The following SERINC2 variants were observed in gnomAD, a reference collection of about 807,000 sequenced individuals.
SERINC2 encodes tumor differentially expressed protein 2.
In SERINC2, 56 loss-of-function variants were observed where a neutral mutation model predicts 54.2. That is an observed-to-expected ratio of 1.03 (90% CI 0.83 to 1.29). The LOEUF is 1.29. SERINC2 is among the 50% of genes most tolerant of loss of function. SERINC2 has a pLI of 0.00. For synonymous variants in SERINC2, 272 were observed against 253.1 expected (o/e 1.07, Z -0.71); for missense variants, 614 against 607.4 (o/e 1.01, Z -0.12).
chr1:31,431,685 C>T (rs1480976211), intron 8 of SERINC2, among the ~76,000 whole-genome samples: 1 of 151,930 alleles, frequency 6.6e-6, no homozygotes, highest in Admixed American at 6.6e-5. Flanking sequence ...CATATGCAAC[C>T]CATGAGGGCC....
chr1:31,418,133 A>G (rs1419224181), intron 1 of SERINC2, among the ~76,000 whole-genome samples: 1 of 152,200 alleles, frequency 6.6e-6, no homozygotes, highest in Non-Finnish European at 1.5e-5. Context: ...TGCAGGGGTT[A>G]CAGGCATGAG....
chr1:31,423,687 C>T lies in SERINC2; in HGVS notation c.40-6C>T, dbSNP rs79389152. The stretch of plus-strand genomic sequence containing the variant: ...GAGAGGGAAGAGTGACAGTGCCCTC[C>T]CGCAGGCGTCCTGCCTCTGCGGCTC... On this transcript the variant is annotated splice_polypyrimidine_tract_variant and splice_region_variant and intron_variant, in intron 1 of 9. Transcript: ENST00000373709. 2.9e-4 allele frequency: 465 copies of T among 1,605,756 alleles called. 2 individuals are homozygous for T. In the East Asian group the frequency reaches 5.6e-3, roughly 19 times the overall value.
chr1:31,434,103 C>T lies in SERINC2; in HGVS notation c.1272C>T (p.Ala424=), dbSNP rs782608313. Residue 424 remains alanine, a synonymous_variant, in exon 10 of 10, where the codon GCC becomes GCT. Transcript: ENST00000373709. Reference sequence around the variant, plus strand: ...GGAAGATGATCAGCACGTGGACCGCCGTGTGGGTGAAGATCTGTGCCAGCT... The same window carrying T: ...GGAAGATGATCAGCACGTGGACCGCTGTGTGGGTGAAGATCTGTGCCAGCT... ...ETRKMISTWT[A]VWVKICASWA... 8.1e-6 allele frequency: 13 copies of T among 1,613,914 alleles called. No homozygotes were observed. In the East Asian group the frequency reaches 8.9e-5, roughly 11 times the overall value.
At chr1:31,428,863 G>A in intron 6 of SERINC2, 115 bp from the exon 7 acceptor site, 1 of 792,212 alleles carries the variant, frequency 1.3e-6, no homozygotes, top group East Asian at 2.4e-5. Flanking sequence ...GTGGGGTGTG[G>A]TGGGGTATCC....
At chr1:31,418,889 G>A (rs1640841983) in intron 1 of SERINC2, among the ~76,000 whole-genome samples, 2 of 152,150 alleles carry the variant, frequency 1.3e-5, no homozygotes, top group Non-Finnish European at 2.9e-5. Flanking sequence ...TGAGCTCCTT[G>A]TCATTGGCAG....
rs782691463 is a variant in SERINC2 at position 31,423,829 on chromosome 1, C to T, written c.176C>T (p.Pro59Leu). The T allele has an allele frequency of 1.5e-5, 25 of 1,613,862 alleles. No homozygotes were observed. The highest frequency in any genetic ancestry group is 6.7e-5 in the East Asian group (3 of 44,888). ...GVLVSIIMLS[P>L]GVESQLYKLP... ...CTGGTGTCCATCATTATGCTGAGCC[C>T]GGGCGTGGAGAGTCAGCTCTACAAG... The change falls in exon 2 of 10, where the codon CCG (proline) becomes CTG (leucine). Residue 59 changes from proline (P) to leucine (L), a missense_variant. Pro to Leu is a moderately conservative substitution (Grantham distance 98). Transcript: ENST00000373709.
chr1:31,414,296 T>C, intron 1 of SERINC2: 1 of 1,304,072 alleles, frequency 7.7e-7, no homozygotes, highest in Non-Finnish European at 9.7e-7. Context: ...CTTCCCCTCA[T>C]TAAATCTGAG....
rs1249531690 is a variant in SERINC2, at chr1:31,432,110, A to T, written c.1014-857A>T. ...AGGGTGGACAGGGTGGACAGGGTGG[A>T]TAGGGTGGTTAGGGTGGATAGGGTG... On this transcript the variant is annotated intron_variant, in intron 8 of 9. Coordinates refer to ENST00000373709, the MANE Select transcript of SERINC2 (RefSeq NM_178865.5). 3.5e-3 allele frequency among the ~76,000 whole-genome samples: 353 copies of T among 99,872 alleles called. 2 individuals carry two copies. Among genetic ancestry groups the T allele is most frequent in the Middle Eastern group, 6.0e-3 (1 of 168 alleles). The allele number at this position is 99,872 out of a possible 152,430, so 65.5% of individuals were successfully genotyped here. A position where few individuals can be genotyped will look rare whatever the true frequency, so the allele number is the denominator to read the frequency against.
At chr1:31,412,499 G>T (rs1244031804), upstream of SERINC2, among the ~76,000 whole-genome samples, 1 of 152,144 alleles carries the variant, frequency 6.6e-6, no homozygotes, top group African/African-American at 2.4e-5. Flanking sequence ...AGAGTGAGAG[G>T]CTGGGGTCTT....
chr1:31,429,936 G>A (rs1050663499), intron 8 of SERINC2, among the ~76,000 whole-genome samples: 3 of 152,082 alleles, frequency 2.0e-5, no homozygotes, highest in Non-Finnish European at 1.5e-5. Context: ...AACCTCCACT[G>A]TAGTGGATGT....
intron 8 of SERINC2, 118 bp downstream of exon 8, chr1:31,429,656 C>T: frequency 8.7e-7 from 1 of 1,146,916 alleles, no homozygotes; most frequent in Non-Finnish European, 1.2e-6. Context: ...TTCAATATAT[C>T]CAGGTCTTGC....
intron 8 of SERINC2, among the ~76,000 whole-genome samples, chr1:31,431,917 G>GTGGATAGGA (rs1641245654): frequency 8.1e-6 from 1 of 123,970 alleles, no homozygotes; most frequent in Non-Finnish European, 1.8e-5. Context: ...GGTGGATAGG[G>GTGGATAGGA]TGGTTAGGGT....
rs1557501664 is a variant in SERINC2, at chr1:31,432,174, T to TAGGGTGGACAGGGTGGAC, written c.1014-785_1014-784insCAGGGTGGACAGGGTGGA. Among the ~76,000 whole-genome samples the TAGGGTGGACAGGGTGGAC allele has an allele frequency of 7.0e-4, 17 of 24,386 alleles. 1 individual carries two copies. The highest frequency in any genetic ancestry group is 3.3e-3 in the Admixed American group (5 of 1,524). 16.0% of individuals were successfully genotyped at this position (24,386 alleles called of 152,430 possible). A position where few individuals can be genotyped will look rare whatever the true frequency, so the allele number is the denominator to read the frequency against. Reference sequence around the variant, plus strand: ...GGGTGGACAGGGTGGATAGGGTGGATAGGGTGGATAGGGTGGTTAGAGTGG... The same window carrying TAGGGTGGACAGGGTGGAC: ...GGGTGGACAGGGTGGATAGGGTGGATAGGGTGGACAGGGTGGACAGGGTGGATAGGGTGGTTAGAGTGG... On this transcript the variant is annotated intron_variant, in intron 8 of 9. Coordinates refer to ENST00000373709, the MANE Select transcript of SERINC2 (RefSeq NM_178865.5).
chr1:31,422,403 G>A (rs1280252770), intron 1 of SERINC2, among the ~76,000 whole-genome samples: 3 of 152,018 alleles, frequency 2.0e-5, no homozygotes, highest in African/African-American at 4.8e-5. Context: ...GTGCTCAAGC[G>A]ATCCTCCTGC....
Position 31,429,905 on chromosome 1 carries a change from C to T in SERINC2, c.1013+367C>T, listed in dbSNP as rs60725155. On this transcript the variant is annotated intron_variant, in intron 8 of 9. Coordinates refer to ENST00000373709, the MANE Select transcript of SERINC2 (RefSeq NM_178865.5). ...GCTTAACCTTTCTGAGCTCCTGTTTCCTCCTCAGTAAGAGGATGACAACCT... is the reference window on the plus strand; with the variant it reads ...GCTTAACCTTTCTGAGCTCCTGTTTTCTCCTCAGTAAGAGGATGACAACCT... Among the ~76,000 whole-genome samples, 855 of 152,236 alleles carry T rather than the reference C, an allele frequency of 5.6e-3. 63 individuals carry two copies. The East Asian group carries it at 0.14, about 25-fold the overall frequency.
Position 31,425,427 on chromosome 1 carries a change from G to C in SERINC2, c.472+18G>C. 6.4e-7 allele frequency: 1 copy of C among 1,564,644 alleles called. No individual in the cohort carries two copies. The highest frequency in any genetic ancestry group is 8.8e-7 in the Non-Finnish European group (1 of 1,134,254). On this transcript the variant is annotated intron_variant, in intron 4 of 9. Transcript: ENST00000373709. ...CACCAACAGTAGGCGGACTTGGCAG[G>C]AGGCATGGGGGGCTGTGGGGAGGGA...
upstream of SERINC2, among the ~76,000 whole-genome samples, chr1:31,411,300 T>A (rs1182847841): frequency 6.6e-6 from 1 of 152,226 alleles, no homozygotes; most frequent in Non-Finnish European, 1.5e-5. Context: ...GCCTTTCAGC[T>A]CTGTTTCTTC....
intron 2 of SERINC2, 120 bp from the exon 3 acceptor site, chr1:31,424,563 C>T: frequency 1.3e-6 from 1 of 789,744 alleles, no homozygotes; most frequent in Non-Finnish European, 2.0e-6. Context: ...CTGGTCCAGC[C>T]CCTGCTGGGA....
intron 8 of SERINC2, among the ~76,000 whole-genome samples, chr1:31,432,201 G>GGGTGGTT (rs1557501792): frequency 2.8e-5 from 3 of 109,038 alleles, no homozygotes; most frequent in Non-Finnish European, 4.0e-5. Flanking sequence ...TTAGAGTGGA[G>GGGTGGTT]AGAGTGGACA....
Sources: gnomAD v4.1 joint callset for allele counts (sites outside exome capture counted in the v4.1 genomes callset) on GRCh38, gnomAD v4.1.1 for gene constraint, MANE v1.5 for transcripts, NCBI Gene and HGNC (gene_info 2026-07-23, HGNC 2026-07-21) for gene names.